The following SGCD variants were observed in gnomAD, a reference collection of about 807,000 sequenced individuals.
The protein encoded by SGCD is delta-sarcoglycan.
A neutral mutation model predicts 36.6 loss-of-function variants in SGCD; 18 were observed. That is an observed-to-expected ratio of 0.49 (90% CI 0.34 to 0.73). SGCD has a LOEUF of 0.73. Ranked by LOEUF, SGCD falls within the 30% of genes least tolerant of loss-of-function variation. SGCD has a pLI of 0.01. For synonymous variants in SGCD, 133 were observed against 130.6 expected, an observed-to-expected ratio of 1.02 and a Z score of -0.12; for missense variants, 387 against 346.7, an observed-to-expected ratio of 1.12 and a Z score of -0.92.
the SGCD span, among the ~76,000 whole-genome samples, chr5:155,839,339 TG>T: frequency 1.3e-5 from 2 of 152,140 alleles, no homozygotes; most frequent in Non-Finnish European, 2.9e-5. Flanking sequence ...TCCTTGTTTA[TG>T]GGAGGCCAGC....
At position 155,876,055 on chromosome 5, in the gene SGCD, T is replaced by TA. The variant is rs890180965; in HGVS notation, c.-282+5631_-282+5632insA. ...CTCTTGTTTTATTTTTTTATTTATT[T>TA]TTTTTTATTATACTTTAAGTTTTAG... is the stretch of plus-strand genomic sequence containing the variant. On this transcript the variant is annotated intron_variant, in intron 1 of 9. Coordinates refer to the SGCD transcript ENST00000517913. Among the ~76,000 whole-genome samples, 150 of 152,042 alleles carry TA rather than the reference T, an allele frequency of 9.9e-4. 1 individual carries two copies. The highest frequency in any genetic ancestry group is 3.3e-3 in the African/African-American group (136 of 41,516).
At chr5:156,263,531 C>A (rs2127666221) in intron 3 of SGCD, among the ~76,000 whole-genome samples, 1 of 152,090 alleles carries the variant, frequency 6.6e-6, no homozygotes, top group African/African-American at 2.4e-5. Flanking sequence ...AGATTTTCTC[C>A]CACTCTGTGG....
chr5:156,037,339 G>C (rs1358266541), intron 1 of SGCD, among the ~76,000 whole-genome samples: 1 of 152,168 alleles, frequency 6.6e-6, no homozygotes, highest in Non-Finnish European at 1.5e-5. Context: ...TCAAGGCAGT[G>C]ACAGCAAGTG....
chr5:156,255,597 T>C (rs1765694731), intron 3 of SGCD, among the ~76,000 whole-genome samples: 1 of 152,168 alleles, frequency 6.6e-6, no homozygotes. Flanking sequence ...GATTAATTTG[T>C]TTTCTGGACA....
chr5:156,313,806 T>A (rs1488468174), intron 3 of SGCD, among the ~76,000 whole-genome samples: 1 of 152,074 alleles, frequency 6.6e-6, no homozygotes, highest in Non-Finnish European at 1.5e-5. Context: ...GAATGTAGAC[T>A]CCACAATTGG....
intron 3 of SGCD, among the ~76,000 whole-genome samples, chr5:156,138,555 A>T (rs925285760): frequency 6.6e-6 from 1 of 152,240 alleles, no homozygotes; most frequent in African/African-American, 2.4e-5. Context: ...TCTCACCAGC[A>T]TCATTCAATT....
intron 3 of SGCD, among the ~76,000 whole-genome samples, chr5:156,407,999 G>A (rs565743976): frequency 5.9e-5 from 9 of 152,202 alleles, no homozygotes; most frequent in Non-Finnish European, 1.0e-4. Context: ...GCTTGGTTTC[G>A]GGAATATTCA....
At chr5:155,881,843 A>G (rs1388019026) in intron 1 of SGCD, among the ~76,000 whole-genome samples, 2 of 152,206 alleles carry the variant, frequency 1.3e-5, no homozygotes, top group East Asian at 3.9e-4. Context: ...AGTAGATTCC[A>G]GGTCAAGAAA....
At chr5:155,828,441 A>C in the SGCD span, among the ~76,000 whole-genome samples, 1 of 152,132 alleles carries the variant, frequency 6.6e-6, no homozygotes, top group East Asian at 1.9e-4. Context: ...TTGACCTGTA[A>C]ATTTTTGAAA....
At chr5:156,402,276 A>G (rs1026114731) in intron 3 of SGCD, among the ~76,000 whole-genome samples, 1 of 152,200 alleles carries the variant, frequency 6.6e-6, no homozygotes, top group Non-Finnish European at 1.5e-5. Flanking sequence ...TTTTGGGTAT[A>G]TCCCTAAAAG....
chr5:156,609,707 C>G (rs1037259113), intron 6 of SGCD, among the ~76,000 whole-genome samples: 1 of 152,218 alleles, frequency 6.6e-6, no homozygotes, highest in African/African-American at 2.4e-5. Flanking sequence ...TTGGTCTTTT[C>G]ACATAGTCCC....
intron 6 of SGCD, among the ~76,000 whole-genome samples, chr5:156,612,296 G>A (rs548157701): frequency 2.0e-5 from 3 of 152,214 alleles, no homozygotes; most frequent in Admixed American, 6.5e-5. Flanking sequence ...GTTCTGGGTG[G>A]ACCCAGTAAC....
chr5:155,757,495 A>G, the SGCD span, among the ~76,000 whole-genome samples: 3 of 152,172 alleles, frequency 2.0e-5, no homozygotes, highest in African/African-American at 4.8e-5. Context: ...ACCTTGGAGA[A>G]CTCAAGTGCC....
chr5:155,945,827 A>G (rs1432124778), intron 1 of SGCD, among the ~76,000 whole-genome samples: 1 of 152,184 alleles, frequency 6.6e-6, no homozygotes, highest in East Asian at 1.9e-4. Flanking sequence ...TGAGGATTTA[A>G]AGGCAGGAGC....
intron 3 of SGCD, among the ~76,000 whole-genome samples, chr5:156,375,832 A>T (rs111372100): frequency 4.6e-5 from 7 of 152,154 alleles, no homozygotes; most frequent in Non-Finnish European, 7.4e-5. Context: ...CTACCTATAC[A>T]GAGTTTATTT....
intron 7 of SGCD, among the ~76,000 whole-genome samples, chr5:156,651,403 G>A (rs533482935): frequency 1.3e-5 from 2 of 152,022 alleles, no homozygotes; most frequent in East Asian, 1.9e-4. Flanking sequence ...GTATTTCTGA[G>A]GTTTTCATCT....
At chr5:156,097,087 G>A (rs1761396695) in intron 1 of SGCD, among the ~76,000 whole-genome samples, 2 of 151,484 alleles carry the variant, frequency 1.3e-5, no homozygotes, top group Admixed American at 6.6e-5. Context: ...GCTTTTCCCT[G>A]TATGGAATGC....
At chr5:156,137,294 T>A (rs1233020765) in intron 3 of SGCD, among the ~76,000 whole-genome samples, 1 of 152,216 alleles carries the variant, frequency 6.6e-6, no homozygotes, top group Non-Finnish European at 1.5e-5. Context: ...GCCCCACCCA[T>A]GTGCCCATGA....
intron 1 of SGCD, among the ~76,000 whole-genome samples, chr5:156,060,532 G>A (rs1334424518): frequency 6.8e-6 from 1 of 146,286 alleles, no homozygotes; most frequent in African/African-American, 2.5e-5. Flanking sequence ...TTTACAAGGG[G>A]CATTTTGGGA....
Sources: gnomAD v4.1 joint callset for allele counts (sites outside exome capture counted in the v4.1 genomes callset) on GRCh38, gnomAD v4.1.1 for gene constraint, MANE v1.5 for transcripts, NCBI Gene and HGNC (gene_info 2026-07-23, HGNC 2026-07-21) for gene names.